CORO2B: variants seen among roughly 807,000 people sequenced by gnomAD.
The protein encoded by CORO2B is coronin 2B, also known as coronin-2B.
CORO2B carries 26 observed loss-of-function variants against 58.8 expected under a neutral mutation model. That is an observed-to-expected ratio of 0.44 (90% confidence interval 0.32 to 0.61). The LOEUF (loss-of-function observed/expected upper bound fraction) is 0.61, where lower values mean the gene tolerates loss of function less well. Ranked by LOEUF, CORO2B falls within the 20% of genes least tolerant of loss-of-function variation. The probability of loss-of-function intolerance (pLI) is 0.04; values close to 1 mark genes in which losing one functional copy is unlikely to be tolerated. For synonymous variants in CORO2B, 242 were observed against 253.8 expected (o/e 0.95, Z 0.44); for missense variants, 460 against 645.1 (o/e 0.71, Z 3.11).
chr15:68,587,255 G>A (rs887263365), intron 1 of CORO2B, among the ~76,000 whole-genome samples: 3 of 152,130 alleles, frequency 2.0e-5, no homozygotes, highest in Non-Finnish European at 4.4e-5. Context: ...TGCTCTGTCC[G>A]AGCTCAGAGA....
chr15:68,631,977 G>A (rs1037336934), intron 1 of CORO2B: 1 of 985,476 alleles, frequency 1.0e-6, no homozygotes, highest in Non-Finnish European at 1.2e-6. Context: ...GCTCTCTCTT[G>A]GTTGCTAGCA....
the CORO2B span, among the ~76,000 whole-genome samples, chr15:68,527,665 A>G: frequency 2.0e-5 from 3 of 152,218 alleles, no homozygotes; most frequent in African/African-American, 7.2e-5. Flanking sequence ...TTTTGCATAT[A>G]AATTTTACAC....
chr15:68,628,819 C>G (rs1900751913), intron 1 of CORO2B, among the ~76,000 whole-genome samples: 1 of 152,222 alleles, frequency 6.6e-6, no homozygotes, highest in Non-Finnish European at 1.5e-5. Context: ...CATTCATTCC[C>G]TGAGGCTAAG....
At chr15:68,708,798 G>A (rs1002357116) in intron 3 of CORO2B, among the ~76,000 whole-genome samples, 4 of 152,056 alleles carry the variant, frequency 2.6e-5, no homozygotes, top group Non-Finnish European at 4.4e-5. Flanking sequence ...TCCCACCTCA[G>A]CCTCCTGAAT....
At chr15:68,593,065 G>A (rs1007103445) in intron 1 of CORO2B, among the ~76,000 whole-genome samples, 1 of 152,204 alleles carries the variant, frequency 6.6e-6, no homozygotes, top group African/African-American at 2.4e-5. Context: ...TAGTGAGTGT[G>A]TGAGACAGAG....
At chr15:68,572,721 C>T in the CORO2B span, among the ~76,000 whole-genome samples, 4 of 152,240 alleles carry the variant, frequency 2.6e-5, no homozygotes, top group Non-Finnish European at 1.5e-5. Flanking sequence ...ACTTTGAGAA[C>T]TGCTGATTAG....
Position 68,658,404 on chromosome 15 carries a change from G to T in CORO2B, c.216+13044G>T, listed in dbSNP as rs111368473. 3.8e-3 allele frequency among the ~76,000 whole-genome samples: 574 copies of T among 152,358 alleles called. 8 individuals carry two copies. The highest frequency in any genetic ancestry group is 0.013 in the African/African-American group (541 of 41,586). On this transcript the variant is annotated intron_variant, in intron 2 of 11. Coordinates refer to ENST00000261861, the MANE Select transcript of CORO2B (RefSeq NM_006091.5). ...CCATCTGTGCCTCCTTCCTGCCTTC[G>T]GCCAGTGAGGGGCCAGTGGGGGTTG...
intron 2 of CORO2B, among the ~76,000 whole-genome samples, chr15:68,662,132 T>C (rs1902035676): frequency 6.6e-6 from 1 of 152,246 alleles, no homozygotes; most frequent in Non-Finnish European, 1.5e-5. Context: ...TGGCAGAAGC[T>C]GCTTTTCCTG....
At chr15:68,543,781 C>G in the CORO2B span, among the ~76,000 whole-genome samples, 1 of 152,154 alleles carries the variant, frequency 6.6e-6, no homozygotes, top group Admixed American at 6.5e-5. Context: ...CTCCTTCCTG[C>G]CTTAGTCCCT....
intron 1 of CORO2B, among the ~76,000 whole-genome samples, chr15:68,593,969 G>C: frequency 6.6e-6 from 1 of 152,144 alleles, no homozygotes; most frequent in East Asian, 1.9e-4. Flanking sequence ...GAGGAACTAG[G>C]CTAACTGGAG....
At chr15:68,595,296 G>A (rs1899797970) in intron 1 of CORO2B, among the ~76,000 whole-genome samples, 1 of 152,198 alleles carries the variant, frequency 6.6e-6, no homozygotes, top group Non-Finnish European at 1.5e-5. Context: ...CTGCTGTCCT[G>A]TGTCCCTGAG....
At chr15:68,650,079 G>A (rs1966275) in intron 2 of CORO2B, among the ~76,000 whole-genome samples, 6,426 of 152,168 alleles carry the variant, frequency 0.042, 427 homozygotes, top group African/African-American at 0.15. Flanking sequence ...AATGCAATAT[G>A]CGATTAATCA....
At chr15:68,632,128 G>T (rs1900854124) in intron 1 of CORO2B, 1 of 985,396 alleles carries the variant, frequency 1.0e-6, no homozygotes, top group Non-Finnish European at 1.2e-6. Flanking sequence ...CTTGACTGCT[G>T]CAGCGGGGTC....
At position 68,666,338 on chromosome 15, in the gene CORO2B, C is replaced by G. The variant is rs114248151; in HGVS notation, c.216+20978C>G. On this transcript the variant is annotated intron_variant, in intron 2 of 11. Coordinates refer to ENST00000261861, the MANE Select transcript of CORO2B (RefSeq NM_006091.5). The stretch of plus-strand genomic sequence containing the variant: ...CCCTTTCCAAGGTGTCACGAGGTGT[C>G]AGAAGTAGGGAAGAGCCCAGATTTA... Among the ~76,000 whole-genome samples, 647 of 152,200 alleles carry G rather than the reference C, an allele frequency of 4.3e-3. 2 individuals carry two copies. Among genetic ancestry groups the G allele is most frequent in the African/African-American group, 0.015 (609 of 41,530 alleles).
intron 1 of CORO2B, among the ~76,000 whole-genome samples, chr15:68,618,579 C>A (rs1200526048): frequency 2.6e-5 from 4 of 152,252 alleles, no homozygotes; most frequent in Admixed American, 1.3e-4. Flanking sequence ...ATGAGCAGTG[C>A]TCTTCCTGGG....
intron 1 of CORO2B, among the ~76,000 whole-genome samples, 163 bp downstream of exon 1, chr15:68,579,440 C>A (rs902500091): frequency 6.6e-6 from 1 of 151,924 alleles, no homozygotes; most frequent in African/African-American, 2.4e-5. Context: ...TCACTCCGGC[C>A]CCCAAGGACT....
the CORO2B span, among the ~76,000 whole-genome samples, chr15:68,522,302 TCTC>T: frequency 6.6e-6 from 1 of 150,954 alleles, no homozygotes; most frequent in Admixed American, 6.6e-5. Context: ...TCTCCATTCT[TCTC>T]TCTTTCTCGT....
intron 1 of CORO2B, among the ~76,000 whole-genome samples, chr15:68,592,344 C>A (rs1428504383): frequency 6.6e-6 from 1 of 151,716 alleles, no homozygotes; most frequent in Non-Finnish European, 1.5e-5. Flanking sequence ...TATACCCCAC[C>A]TGTGCTTGTT....
intron 8 of CORO2B, among the ~76,000 whole-genome samples, chr15:68,715,579 G>A (rs1893013960): frequency 6.6e-6 from 1 of 152,218 alleles, no homozygotes; most frequent in South Asian, 2.1e-4. Flanking sequence ...CAGATGGGGA[G>A]CCTGAAGCCC....
Sources: allele counts gnomAD v4.1 joint callset (sites outside exome capture counted in the v4.1 genomes callset), GRCh38; gene constraint gnomAD v4.1.1; transcripts MANE v1.5; gene names NCBI Gene and HGNC (gene_info 2026-07-23, HGNC 2026-07-21).